The following MDGA2 variants were observed in gnomAD, a reference collection of about 807,000 sequenced individuals.
The protein encoded by MDGA2 is MAM domain-containing glycosylphosphatidylinositol anchor protein 2.
Under a neutral mutation model 117.8 loss-of-function variants are expected in MDGA2, and 40 were observed. The observed-to-expected ratio is 0.34, with a 90% confidence interval of 0.26 to 0.44. The LOEUF is 0.44. Ranked by LOEUF, MDGA2 falls within the 20% of genes least tolerant of loss-of-function variation. The pLI, the probability that MDGA2 is intolerant of heterozygous loss-of-function variation, is 1.00. For missense variants in MDGA2, 1,123 were observed against 1,250.6 expected (o/e 0.90, Z 1.54); for synonymous variants, 452 against 439.0 (o/e 1.03, Z -0.37).
At chr14:47,302,652 A>G (rs79064081) in intron 1 of MDGA2, among the ~76,000 whole-genome samples, 4,399 of 152,252 alleles carry the variant, frequency 0.029, 150 homozygotes, top group East Asian at 0.18. Context: ...GAATTTTAAA[A>G]TAAATTTGGT....
chr14:47,341,593 T>C (rs1890623830), intron 1 of MDGA2, among the ~76,000 whole-genome samples: 1 of 152,234 alleles, frequency 6.6e-6, no homozygotes, highest in Admixed American at 6.5e-5. Flanking sequence ...ATATTTTCTT[T>C]GATAATACAT....
chr14:47,567,490 T>C (rs746930360), intron 1 of MDGA2, among the ~76,000 whole-genome samples: 54 of 152,212 alleles, frequency 3.5e-4, no homozygotes, highest in Admixed American at 1.8e-3. Flanking sequence ...AGAAACTAAA[T>C]TTCATCTTTC....
At chr14:47,105,431 T>C (rs945612567) in intron 5 of MDGA2, among the ~76,000 whole-genome samples, 15 of 151,646 alleles carry the variant, frequency 9.9e-5, no homozygotes, top group Admixed American at 2.0e-4. Flanking sequence ...TCACTATGGG[T>C]AAGCTTCCAC....
chr14:47,308,115 G>A (rs776289685), intron 1 of MDGA2, among the ~76,000 whole-genome samples: 2 of 152,124 alleles, frequency 1.3e-5, no homozygotes, highest in African/African-American at 4.8e-5. Context: ...AATTAAGGCA[G>A]CATTAGTGAA....
chr14:47,673,904 T>A (rs1472343432), intron 1 of MDGA2, among the ~76,000 whole-genome samples: 2 of 151,916 alleles, frequency 1.3e-5, no homozygotes, highest in Non-Finnish European at 2.9e-5. Flanking sequence ...CACTTGCTCA[T>A]CCATTCACAC....
At chr14:46,952,244 A>C (rs1248093119) in intron 9 of MDGA2, among the ~76,000 whole-genome samples, 2 of 152,002 alleles carry the variant, frequency 1.3e-5, no homozygotes, top group Non-Finnish European at 2.9e-5. Flanking sequence ...CCAAGCAGAA[A>C]AAAAAAGTGT....
chr14:46,874,199 T>A lies in MDGA2; in HGVS notation c.2439A>T (p.Arg813Ser). The stretch of plus-strand genomic sequence containing the variant: ...CATCTTCAAATCCACAATGAAATTC[T>A]CCTGTTGGTAAATTTTAATTAAATT... ...KYSAPVNPHL[R>S]EFHCGFEDGN... The change falls in exon 13 of 17, where the codon AGA becomes AGT. Residue 813 changes from arginine (R) to serine (S), a missense_variant and splice_region_variant. Around this residue, in one of 2 missense-constraint regions of MDGA2, gnomAD observed 890 missense variants for 1,050.3 expected, o/e 0.85. Transcript: ENST00000399232. 1.4e-6 allele frequency: 2 copies of A among 1,402,342 alleles called. No homozygotes were observed. The highest frequency in any genetic ancestry group is 1.9e-6 in the Non-Finnish European group (2 of 1,064,992). 86.9% of individuals were successfully genotyped at this position (1,402,342 alleles called of 1,614,324 possible).
intron 2 of MDGA2, among the ~76,000 whole-genome samples, chr14:47,265,556 T>TCATG (rs1463071704): frequency 6.6e-6 from 1 of 152,048 alleles, no homozygotes; most frequent in East Asian, 1.9e-4. Flanking sequence ...GCTTTGAAGT[T>TCATG]CATGGAGAAG....
intron 8 of MDGA2, among the ~76,000 whole-genome samples, chr14:47,013,790 A>ATATATATATATATC (rs768237823): frequency 1.5e-5 from 2 of 133,076 alleles, no homozygotes; most frequent in East Asian, 2.6e-4. Flanking sequence ...ATATATATAT[A>ATATATATATATATC]TATCTCCTTT....
At chr14:47,059,413 G>T in intron 7 of MDGA2, 2 of 848,812 alleles carry the variant, frequency 2.4e-6, no homozygotes, top group South Asian at 1.5e-5. Context: ...TGATAGTTAG[G>T]AAAATTTAAT....
chr14:46,935,368 G>T (rs1566533717), intron 9 of MDGA2, among the ~76,000 whole-genome samples: 1 of 152,042 alleles, frequency 6.6e-6, no homozygotes, highest in Non-Finnish European at 1.5e-5. Context: ...TTGATTCCCT[G>T]CTGAAGACTC....
intron 1 of MDGA2, among the ~76,000 whole-genome samples, chr14:47,472,916 A>C (rs544286777): frequency 6.6e-6 from 1 of 152,182 alleles, no homozygotes; most frequent in African/African-American, 2.4e-5. Flanking sequence ...AAAAAACTCA[A>C]AAATGTTACT....
intron 2 of MDGA2, among the ~76,000 whole-genome samples, chr14:47,246,395 A>ATATAAAGGCACC (rs1887238362): frequency 1.3e-5 from 2 of 151,784 alleles, no homozygotes; most frequent in Non-Finnish European, 2.9e-5. Flanking sequence ...GCTGGGAGAG[A>ATATAAAGGCACC]TATAAAGGCA....
chr14:47,501,047 G>A (rs1894389185), intron 1 of MDGA2, among the ~76,000 whole-genome samples: 2 of 152,084 alleles, frequency 1.3e-5, no homozygotes, highest in Non-Finnish European at 2.9e-5. Context: ...AACCACCGAT[G>A]AATTTTATCC....
intron 5 of MDGA2, among the ~76,000 whole-genome samples, chr14:47,122,889 C>T (rs758209437): frequency 3.9e-5 from 6 of 151,980 alleles, no homozygotes; most frequent in African/African-American, 1.2e-4. Flanking sequence ...AGCATATCCT[C>T]GACCCAATCT....
chr14:47,022,979 A>G (rs1054586795), intron 8 of MDGA2, among the ~76,000 whole-genome samples: 7 of 152,102 alleles, frequency 4.6e-5, no homozygotes, highest in South Asian at 2.1e-4. Flanking sequence ...AGCCAAACCA[A>G]TCGCGTCTCT....
intron 1 of MDGA2, among the ~76,000 whole-genome samples, chr14:47,349,362 A>G (rs939614735): frequency 1.3e-5 from 2 of 152,250 alleles, no homozygotes; most frequent in African/African-American, 4.8e-5. Flanking sequence ...TGCACTTATC[A>G]TATAATAAAT....
chr14:47,453,078 A>G (rs1291404220), intron 1 of MDGA2, among the ~76,000 whole-genome samples: 1 of 152,056 alleles, frequency 6.6e-6, no homozygotes, highest in Non-Finnish European at 1.5e-5. Context: ...TCATTTTCTA[A>G]TAAAGTTTAA....
intron 1 of MDGA2, among the ~76,000 whole-genome samples, chr14:47,435,576 C>A (rs1892880567): frequency 6.6e-6 from 1 of 152,090 alleles, no homozygotes; most frequent in Non-Finnish European, 1.5e-5. Flanking sequence ...AGGACCTATG[C>A]CATGTGACTA....
Sources: allele counts gnomAD v4.1 joint callset (sites outside exome capture counted in the v4.1 genomes callset), GRCh38; gene constraint gnomAD v4.1.1; regional missense constraint gnomAD v4.1.1; transcripts MANE v1.5; gene names NCBI Gene and HGNC (gene_info 2026-07-23, HGNC 2026-07-21).